The following DENND11 variants were observed in gnomAD, a reference collection of about 807,000 sequenced individuals.
The protein encoded by DENND11 is DENN domain containing 11.
Under a neutral mutation model 49.2 loss-of-function variants are expected in DENND11, and 34 were observed. That is an observed-to-expected ratio of 0.69 (90% confidence interval 0.53 to 0.92). The LOEUF is 0.92. Among genes scored for constraint, DENND11 ranks in the 40% least tolerant of loss-of-function variants. The pLI, the probability that DENND11 is intolerant of heterozygous loss-of-function variation, is 0.00. For synonymous variants in DENND11, 238 were observed against 230.3 expected, an observed-to-expected ratio of 1.03 and a Z score of -0.30; for missense variants, 475 against 581.6, an observed-to-expected ratio of 0.82 and a Z score of 1.88.
At chr7:141,672,598 G>A (rs1194471103) in intron 4 of DENND11, among the ~76,000 whole-genome samples, 2 of 152,224 alleles carry the variant, frequency 1.3e-5, no homozygotes, top group African/African-American at 4.8e-5. Context: ...ACCTTCAGAT[G>A]AGCCCCTAAC....
intron 3 of DENND11, among the ~76,000 whole-genome samples, chr7:141,675,533 C>T (rs780109726): frequency 1.3e-5 from 2 of 152,184 alleles, no homozygotes. Context: ...TATAGCTTCA[C>T]TGAGCAAGGG....
intron 1 of DENND11, among the ~76,000 whole-genome samples, chr7:141,687,432 G>A (rs1798259479): frequency 6.6e-6 from 1 of 151,984 alleles, no homozygotes; most frequent in African/African-American, 2.4e-5. Flanking sequence ...CAGTGCAGTG[G>A]GATCAATGTT....
chr7:141,685,478 C>T lies in DENND11; in HGVS notation c.527G>A (p.Arg176Gln), dbSNP rs775720404. 14 of 1,613,588 alleles carry T rather than the reference C, an allele frequency of 8.7e-6. No individual in the cohort carries two copies. The highest frequency in any genetic ancestry group is 2.2e-5 in the South Asian group (2 of 91,082). ...CTGCACATGTACGGAAGCCACGTAC[C>T]GAACCTGGTTCTCCAAGAAGTGCAT... The part of the protein sequence containing the change: ...RYMHFLENQV[R>Q]HQLEMPGHYS... Residue 176 changes from arginine (R) to glutamine (Q), a missense_variant and splice_region_variant, in exon 3 of 9, where the codon CGG becomes CAG. Physicochemically the swap from Arg to Gln is conservative, Grantham distance 43. Transcript: ENST00000536163.
chr7:141,657,816 A>G lies in DENND11; in HGVS notation c.*4840T>C, dbSNP rs1281098668. ...TTCTTATTCCCCTTCTAAATTTGCAATTTCATCCAACTGCCCCTAAATTCT... is the reference window on the plus strand; with the variant it reads ...TTCTTATTCCCCTTCTAAATTTGCAGTTTCATCCAACTGCCCCTAAATTCT... On this transcript the variant is annotated 3_prime_UTR_variant, in exon 9 of 9. Coordinates refer to ENST00000536163, the MANE Select transcript of DENND11 (RefSeq NM_001080392.2). 4 of 152,614 alleles carry G rather than the reference A, an allele frequency of 2.6e-5. No individual in the cohort carries two copies. In the East Asian group the frequency reaches 5.8e-4, roughly 22 times the overall value. The allele number at this position is 152,614 out of a possible 1,614,324, so 9.5% of individuals were successfully genotyped here.
chr7:141,692,571 T>C (rs1798344328), intron 1 of DENND11, among the ~76,000 whole-genome samples: 1 of 152,086 alleles, frequency 6.6e-6, no homozygotes, highest in Admixed American at 6.6e-5. Context: ...AGTGGACATC[T>C]ACATGCAAAG....
At chr7:141,677,491 G>A in intron 3 of DENND11, among the ~76,000 whole-genome samples, 1 of 131,418 alleles carries the variant, frequency 7.6e-6, no homozygotes, top group East Asian at 2.4e-4. Flanking sequence ...ATTTATATGT[G>A]TGTGTGTGTG....
intron 1 of DENND11, among the ~76,000 whole-genome samples, chr7:141,696,734 A>T (rs1433810372): frequency 1.3e-5 from 2 of 152,236 alleles, no homozygotes; most frequent in Admixed American, 1.3e-4. Context: ...GGTCCCAACA[A>T]TACATTCCCT....
In DENND11 at chr7:141,696,095, G is replaced by C. The variant is rs146705199; in HGVS notation, c.268+5791C>G. ...TTACCCAGGCAAAGCCAGAAGGTCA[G>C]TGTCGCGCCTGGCTGAGGATGTACA... On this transcript the variant is annotated intron_variant, in intron 1 of 8. Coordinates refer to ENST00000536163, the MANE Select transcript of DENND11 (RefSeq NM_001080392.2). 2.1e-4 allele frequency among the ~76,000 whole-genome samples: 32 copies of C among 152,334 alleles called. No homozygotes were observed. In the East Asian group the frequency reaches 5.4e-3, roughly 26 times the overall value.
In DENND11 at chr7:141,665,272, C is replaced by T. The variant is rs753138114; in HGVS notation, c.867G>A (p.Gly289=). ...AAGGTTTGGACTCAGGAATGGTGCC[C>T]CCGATGCCAGGCAGTGAAACGTTGG... ...CLANVSLPGI[G]GTIPESKPFF... is the part of the protein sequence containing the mutation. Residue 289 remains glycine, a synonymous_variant, in exon 6 of 9, where the codon GGG becomes GGA. Coordinates refer to ENST00000536163, the MANE Select transcript of DENND11 (RefSeq NM_001080392.2). 5 of 1,613,870 alleles carry T rather than the reference C, an allele frequency of 3.1e-6. No homozygotes were observed. Among genetic ancestry groups the T allele is most frequent in the Non-Finnish European group, 4.2e-6 (5 of 1,179,856 alleles).
At chr7:141,664,821 G>C in intron 7 of DENND11, 83 bp downstream of exon 7, 1 of 1,425,190 alleles carries the variant, frequency 7.0e-7, no homozygotes, top group Non-Finnish European at 9.5e-7. Context: ...GGAAGGGGCA[G>C]AAGACAGGCT....
At chr7:141,687,631 A>ATTTTTTT (rs36080710) in intron 1 of DENND11, among the ~76,000 whole-genome samples, 3 of 112,800 alleles carry the variant, frequency 2.7e-5, no homozygotes, top group Non-Finnish European at 5.3e-5. Flanking sequence ...CACTCGGCTA[A>ATTTTTTT]TTTTTTTTTT....
intron 3 of DENND11, among the ~76,000 whole-genome samples, chr7:141,681,868 A>G (rs1284649068): frequency 2.0e-5 from 3 of 152,196 alleles, no homozygotes; most frequent in African/African-American, 7.2e-5. Flanking sequence ...ATGAAGAAAG[A>G]ATCTTCTAGA....
chr7:141,684,917 A>G lies in DENND11; in HGVS notation c.527+561T>C, dbSNP rs75953290. Among the ~76,000 whole-genome samples the G allele has an allele frequency of 4.4e-3, 665 of 150,170 alleles. 4 individuals carry two copies. The highest frequency in any genetic ancestry group is 0.015 in the African/African-American group (622 of 40,966). On this transcript the variant is annotated intron_variant, in intron 3 of 8. Transcript: ENST00000536163. ...ATGCCAGGCACCTTGGCTCATGCCT[A>G]TAATCTCAGCTCTTTGGCAGGCTGA...
chr7:141,682,283 A>G lies in DENND11; in HGVS notation c.527+3195T>C, dbSNP rs568924710. ...AATGGCCTCTACAAGGGGGAAGAAG[A>G]GTATACATGGATACCTGAGTGGCCA... is the stretch of plus-strand genomic sequence containing the variant. On this transcript the variant is annotated intron_variant, in intron 3 of 8. Transcript: ENST00000536163. 3.3e-5 allele frequency among the ~76,000 whole-genome samples: 5 copies of G among 152,336 alleles called. No individual in the cohort carries two copies. In the South Asian group the frequency reaches 1.0e-3, roughly 32 times the overall value.
chr7:141,691,669 G>T (rs980146543), intron 1 of DENND11, among the ~76,000 whole-genome samples: 1 of 152,176 alleles, frequency 6.6e-6, no homozygotes, highest in Non-Finnish European at 1.5e-5. Context: ...CAGGGCACAG[G>T]CTCCAGAACA....
chr7:141,673,922 G>T, intron 4 of DENND11, 145 bp downstream of exon 4: 1 of 999,316 alleles, frequency 1.0e-6, no homozygotes, highest in Non-Finnish European at 1.4e-6. Context: ...AAAACCAAAT[G>T]CTTATGTTGC....
intron 2 of DENND11, among the ~76,000 whole-genome samples, chr7:141,685,863 G>T (rs141877772): frequency 2.6e-5 from 4 of 152,136 alleles, no homozygotes; most frequent in Admixed American, 6.5e-5. Flanking sequence ...CAAGCCTGCC[G>T]CTCAGCTGCC....
rs563662154 is a variant in DENND11, at chr7:141,659,067, T to C, written c.*3589A>G. The C allele has an allele frequency of 1.3e-5, 2 of 152,490 alleles. No homozygotes were observed. Among genetic ancestry groups the C allele is most frequent in the South Asian group, 2.1e-4 (1 of 4,834 alleles). The allele number at this position is 152,490 out of a possible 1,614,324, so 9.4% of individuals were successfully genotyped here. On this transcript the variant is annotated 3_prime_UTR_variant, in exon 9 of 9. Coordinates refer to ENST00000536163, the MANE Select transcript of DENND11 (RefSeq NM_001080392.2). ...TGGAAGCATGTGCACCTGTGTGCTA[T>C]CTTAACTTTCTTGTCTTGACTTTAA...
intron 4 of DENND11, among the ~76,000 whole-genome samples, chr7:141,667,795 C>T (rs1486387406): frequency 6.6e-6 from 1 of 152,158 alleles, no homozygotes; most frequent in African/African-American, 2.4e-5. Flanking sequence ...CTGCACTACC[C>T]GGAGAGGATT....
Sources: allele counts gnomAD v4.1 joint callset (sites outside exome capture counted in the v4.1 genomes callset), GRCh38; gene constraint gnomAD v4.1.1; transcripts MANE v1.5; gene names NCBI Gene and HGNC (gene_info 2026-07-23, HGNC 2026-07-21).